GSG1L: variants seen among roughly 807,000 people sequenced by gnomAD.
The protein encoded by GSG1L is germ cell-specific gene 1-like protein.
In GSG1L, 24 loss-of-function variants were observed where a neutral mutation model predicts 42.1. That is an observed-to-expected ratio of 0.57 (90% CI 0.41 to 0.80). GSG1L has a LOEUF of 0.80. GSG1L is among the 30% of genes least tolerant of loss of function. The pLI is 0.00. For synonymous variants in GSG1L, 215 were observed against 203.5 expected, an observed-to-expected ratio of 1.06 and a Z score of -0.48; for missense variants, 445 against 472.2, an observed-to-expected ratio of 0.94 and a Z score of 0.53.
In GSG1L at chr16:28,059,105, C is replaced by G. The variant is rs545595621; in HGVS notation, c.349+3971G>C. 3.9e-5 allele frequency among the ~76,000 whole-genome samples: 6 copies of G among 152,312 alleles called. No homozygotes were observed. Among genetic ancestry groups the G allele is most frequent in the African/African-American group, 1.4e-4 (6 of 41,574 alleles). On this transcript the variant is annotated intron_variant, in intron 1 of 6. Coordinates refer to ENST00000447459, the MANE Select transcript of GSG1L (RefSeq NM_001109763.2). This position sits in a 1 kb window ranked among gnomAD's most constrained non-coding sequence, Gnocchi z 4.4. ...GAGGTGGTGCTCCCCACTCCCTGCC[C>G]TACGTCACCAAATCCTTGCATCTCC...
At chr16:27,860,280 G>T (rs1275337633) in intron 3 of GSG1L, among the ~76,000 whole-genome samples, 1 of 152,202 alleles carries the variant, frequency 6.6e-6, no homozygotes, top group Admixed American at 6.5e-5. Flanking sequence ...GGCTCACACA[G>T]GCTCAGCCCT....
chr16:28,022,037 T>G (rs901378090), intron 1 of GSG1L, among the ~76,000 whole-genome samples: 5 of 152,200 alleles, frequency 3.3e-5, no homozygotes, highest in Non-Finnish European at 5.9e-5. Flanking sequence ...TCCGTTAATG[T>G]GAATACAAAA....
chr16:27,792,735 G>T (rs1477404698), intron 6 of GSG1L, among the ~76,000 whole-genome samples: 1 of 152,142 alleles, frequency 6.6e-6, no homozygotes, highest in East Asian at 1.9e-4. Flanking sequence ...CAGAATGTAT[G>T]CACCCCTGTG....
intron 3 of GSG1L, among the ~76,000 whole-genome samples, chr16:27,869,850 T>TCTCTCTCTGTCTCTGTCTCCCTCC: frequency 7.2e-6 from 1 of 138,538 alleles, no homozygotes. Context: ...TCTCTCTCCA[T>TCTCTCTCTGTCTCTGTCTCCCTCC]CTCTCTCTGT....
chr16:27,954,212 A>G (rs541893413), intron 2 of GSG1L, among the ~76,000 whole-genome samples: 2 of 152,328 alleles, frequency 1.3e-5, no homozygotes, highest in South Asian at 4.1e-4. Context: ...CAATACCGCC[A>G]ATCATTACAG....
rs142434678 is a variant in GSG1L at position 27,921,174 on chromosome 16, C to T, written c.398-36536G>A. ...ATATGCACCTGCACAGCCATTCTGA[C>T]GGTTCAAATATTAAAATATTTTCCT... On this transcript the variant is annotated intron_variant, in intron 2 of 6. Coordinates refer to ENST00000447459, the MANE Select transcript of GSG1L (RefSeq NM_001109763.2). Among the ~76,000 whole-genome samples, 245 of 152,254 alleles carry T rather than the reference C, an allele frequency of 1.6e-3. 1 individual carries two copies. Among genetic ancestry groups the T allele is most frequent in the African/African-American group, 5.4e-3 (224 of 41,536 alleles).
chr16:28,002,466 T>G (rs112594865), intron 1 of GSG1L, among the ~76,000 whole-genome samples: 1 of 152,070 alleles, frequency 6.6e-6, no homozygotes, highest in Non-Finnish European at 1.5e-5. Flanking sequence ...ACAAAAATGT[T>G]AAAAATTAGC....
chr16:27,823,385 A>G (rs1276471077), intron 5 of GSG1L, among the ~76,000 whole-genome samples: 3 of 151,990 alleles, frequency 2.0e-5, no homozygotes, highest in Non-Finnish European at 2.9e-5. Flanking sequence ...AGCGCTGAAC[A>G]CCATTTCAAA....
intron 2 of GSG1L, among the ~76,000 whole-genome samples, chr16:27,953,740 A>G (rs2084975815): frequency 6.6e-6 from 1 of 152,142 alleles, no homozygotes; most frequent in South Asian, 2.1e-4. Context: ...TTAGCCAGGC[A>G]TGGTGGTGCA....
intron 2 of GSG1L, among the ~76,000 whole-genome samples, chr16:27,916,006 C>T (rs548575691): frequency 7.2e-5 from 11 of 152,276 alleles, no homozygotes; most frequent in Non-Finnish European, 1.3e-4. Flanking sequence ...GCTGCCATGA[C>T]GGGCCACTAA....
At chr16:27,824,884 G>C (rs1000566342) in intron 5 of GSG1L, among the ~76,000 whole-genome samples, 1 of 152,238 alleles carries the variant, frequency 6.6e-6, no homozygotes, top group African/African-American at 2.4e-5. Context: ...AGTGCTAATG[G>C]GGCAGCTTTG....
Position 27,913,416 on chromosome 16 carries a change from T to C in GSG1L, c.398-28778A>G, listed in dbSNP as rs190000484. 4.5e-4 allele frequency among the ~76,000 whole-genome samples: 68 copies of C among 152,328 alleles called. 1 individual carries two copies. The highest frequency in any genetic ancestry group is 1.4e-3 in the African/African-American group (60 of 41,558). On this transcript the variant is annotated intron_variant, in intron 2 of 6. Coordinates refer to ENST00000447459, the MANE Select transcript of GSG1L (RefSeq NM_001109763.2). ...ATGACGTTTTGCTTAAATTGGTGAT[T>C]CGCTGCATTCTTATTAATGGTATTT... is the stretch of plus-strand genomic sequence containing the variant.
intron 3 of GSG1L, among the ~76,000 whole-genome samples, chr16:27,880,747 T>C (rs947470291): frequency 6.6e-6 from 1 of 152,080 alleles, no homozygotes; most frequent in Non-Finnish European, 1.5e-5. Context: ...GTTGGCTGCC[T>C]GTGGCCAACG....
chr16:27,901,251 C>G (rs1364356751), intron 2 of GSG1L, among the ~76,000 whole-genome samples: 1 of 152,148 alleles, frequency 6.6e-6, no homozygotes, highest in South Asian at 2.1e-4. Flanking sequence ...AGCAGGGAAG[C>G]CGTATTTCAA....
At chr16:27,898,104 C>T (rs566662859) in intron 2 of GSG1L, among the ~76,000 whole-genome samples, 8 of 152,326 alleles carry the variant, frequency 5.3e-5, no homozygotes, top group Admixed American at 1.3e-4. Flanking sequence ...CTCTGGCAGA[C>T]GTGCCCTTTA....
At chr16:27,879,960 G>C (rs1596580085) in intron 3 of GSG1L, among the ~76,000 whole-genome samples, 1 of 106,448 alleles carries the variant, frequency 9.4e-6, no homozygotes, top group East Asian at 3.0e-4. Flanking sequence ...GTTAGAGAAA[G>C]GGCTGCCCCA....
chr16:27,991,718 T>C (rs1388563504), intron 1 of GSG1L, among the ~76,000 whole-genome samples: 1 of 152,108 alleles, frequency 6.6e-6, no homozygotes, highest in Non-Finnish European at 1.5e-5. Flanking sequence ...ATTTCTACTA[T>C]TCAAATTATT....
At chr16:27,885,763 A>T (rs1469802074) in intron 2 of GSG1L, among the ~76,000 whole-genome samples, 1 of 152,186 alleles carries the variant, frequency 6.6e-6, no homozygotes, top group Non-Finnish European at 1.5e-5. Flanking sequence ...GAGCATTCTG[A>T]CCACATGAGC....
At chr16:27,982,842 C>T (rs2085339503) in intron 1 of GSG1L, among the ~76,000 whole-genome samples, 1 of 152,118 alleles carries the variant, frequency 6.6e-6, no homozygotes, top group African/African-American at 2.4e-5. Flanking sequence ...GGGCAGGGCA[C>T]CAAGTCATTC....
Sources: gnomAD v4.1 joint callset for allele counts (sites outside exome capture counted in the v4.1 genomes callset) on GRCh38, gnomAD v4.1.1 for gene constraint, Gnocchi (gnomAD v3.1) non-coding constraint, MANE v1.5 for transcripts, NCBI Gene and HGNC (gene_info 2026-07-23, HGNC 2026-07-21) for gene names.